Variants in NDUFA10 observed in about 807,000 individuals in gnomAD.
NDUFA10 encodes the protein NADH dehydrogenase [ubiquinone] 1 alpha subcomplex subunit 10, mitochondrial.
A neutral mutation model predicts 47.8 loss-of-function variants in NDUFA10; 40 were observed. The ratio of observed to expected loss-of-function variants is 0.84; its 90% CI spans 0.65 to 1.09. NDUFA10 has a LOEUF of 1.09. Among genes scored for constraint, NDUFA10 ranks in the 50% least tolerant of loss-of-function variants. The pLI is 0.00. For synonymous variants in NDUFA10, 183 were observed against 172.2 expected (o/e 1.06, Z -0.49); for missense variants, 413 against 451.1 (o/e 0.92, Z 0.76).
intron 1 of NDUFA10, among the ~76,000 whole-genome samples, chr2:240,024,285 T>G (rs1038995516): frequency 6.6e-5 from 10 of 152,208 alleles, no homozygotes; most frequent in Non-Finnish European, 1.2e-4. Context: ...ACTCAGTGAT[T>G]AAAAAGAAAT....
intron 8 of NDUFA10, among the ~76,000 whole-genome samples, chr2:240,000,448 A>G (rs1696656972): frequency 6.6e-6 from 1 of 152,264 alleles, no homozygotes; most frequent in Non-Finnish European, 1.5e-5. Flanking sequence ...AAATCAGAAA[A>G]TACTTCTAGA....
intron 4 of NDUFA10, among the ~76,000 whole-genome samples, chr2:239,938,734 G>A (rs969939448): frequency 1.3e-5 from 2 of 152,166 alleles, no homozygotes; most frequent in African/African-American, 4.8e-5. Context: ...AAACGGGGGC[G>A]GCTAGGAAAC....
chr2:239,901,761 T>C (rs1213747207), intron 4 of NDUFA10, among the ~76,000 whole-genome samples: 8 of 151,678 alleles, frequency 5.3e-5, no homozygotes, highest in South Asian at 2.1e-4. Context: ...AAGAACATTT[T>C]TGATTCATGG....
chr2:239,986,228 C>G (rs1261549671), intron 9 of NDUFA10, among the ~76,000 whole-genome samples: 1 of 152,184 alleles, frequency 6.6e-6, no homozygotes, highest in Non-Finnish European at 1.5e-5. Context: ...ACTCAATACC[C>G]AATGAAAATA....
chr2:239,941,970 C>T (rs1694367433), intron 4 of NDUFA10, among the ~76,000 whole-genome samples: 1 of 152,072 alleles, frequency 6.6e-6, no homozygotes, highest in Admixed American at 6.6e-5. Flanking sequence ...TTTTCTGCAC[C>T]AAAACAGTAT....
At chr2:240,025,096 G>T in intron 1 of NDUFA10, 131 bp downstream of exon 1, 2 of 899,984 alleles carry the variant, frequency 2.2e-6, no homozygotes, top group Non-Finnish European at 3.1e-6. Flanking sequence ...GGCAGGAGGG[G>T]TCCCCCAAAC....
intron 4 of NDUFA10, among the ~76,000 whole-genome samples, chr2:239,936,527 G>A (rs139558060): frequency 6.6e-6 from 1 of 152,324 alleles, no homozygotes; most frequent in African/African-American, 2.4e-5. Flanking sequence ...ATGACGACGG[G>A]TCAGTGCAGG....
chr2:240,000,500 A>C (rs528703730), intron 8 of NDUFA10, among the ~76,000 whole-genome samples: 11 of 152,354 alleles, frequency 7.2e-5, no homozygotes, highest in African/African-American at 2.6e-4. Flanking sequence ...TTTATAAAGA[A>C]AGTTATAGTA....
intron 7 of NDUFA10, among the ~76,000 whole-genome samples, chr2:240,006,276 T>C (rs1029842146): frequency 6.6e-6 from 1 of 152,150 alleles, no homozygotes; most frequent in East Asian, 1.9e-4. Flanking sequence ...GAGGAGAAAA[T>C]GAAATGTAAT....
intron 6 of NDUFA10, 43 bp downstream of exon 6, chr2:240,011,574 G>A (rs753436103): frequency 3.2e-5 from 48 of 1,509,886 alleles, no homozygotes; most frequent in South Asian, 9.0e-5. Context: ...AACGAGTGGC[G>A]AAGAAGTTTT....
At chr2:239,989,657 T>G (rs1325786509) in intron 9 of NDUFA10, among the ~76,000 whole-genome samples, 3 of 152,254 alleles carry the variant, frequency 2.0e-5, no homozygotes, top group Admixed American at 2.0e-4. Context: ...TCGCTGTCTG[T>G]CCCAAGCTCT....
At chr2:239,952,795 G>A (rs927688776), downstream of NDUFA10, among the ~76,000 whole-genome samples, 4 of 152,250 alleles carry the variant, frequency 2.6e-5, no homozygotes, top group Admixed American at 2.0e-4. Flanking sequence ...CGGCAGACGC[G>A]AGGCTCTGCT....
At chr2:239,948,287 C>T (rs78437465) in intron 4 of NDUFA10, among the ~76,000 whole-genome samples, 5,256 of 152,338 alleles carry the variant, frequency 0.035, 135 homozygotes, top group African/African-American at 0.065. Context: ...GGCCTCCAGG[C>T]TGCTCTTCTC....
chr2:240,011,946 T>C (rs1282757768), intron 5 of NDUFA10: 2 of 505,886 alleles, frequency 4.0e-6, no homozygotes, highest in Non-Finnish European at 3.6e-6. Flanking sequence ...TTCTAAGATG[T>C]ATACTTAGGG....
intron 9 of NDUFA10, among the ~76,000 whole-genome samples, chr2:239,965,007 T>C (rs1695002278): frequency 6.6e-6 from 1 of 152,126 alleles, no homozygotes; most frequent in Non-Finnish European, 1.5e-5. Flanking sequence ...TCATTTAATG[T>C]TTTACCCAAA....
At chr2:239,932,060 T>A (rs1694184004) in intron 4 of NDUFA10, among the ~76,000 whole-genome samples, 1 of 151,534 alleles carries the variant, frequency 6.6e-6, no homozygotes, top group African/African-American at 2.4e-5. Context: ...GGTCTCAATC[T>A]CCTGACCTCG....
Position 239,931,831 on chromosome 2 carries a change from CT to C in NDUFA10, c.295-36518del, listed in dbSNP as rs35581568. Among the ~76,000 whole-genome samples the C allele has an allele frequency of 2.6e-3, 234 of 90,166 alleles. 1 individual carries two copies. The highest frequency in any genetic ancestry group is 8.6e-3 in the African/African-American group (188 of 21,830). The allele number at this position is 90,166 out of a possible 152,430, so 59.2% of individuals were successfully genotyped here. ...GAGCCGCCCTTCATCTGCACCTCTG[CT>C]TTTTTTTTTTTTTTTTTTTTTGAGA... On this transcript the variant is annotated intron_variant, in intron 4 of 5. Coordinates refer to the NDUFA10 transcript ENST00000419408.
chr2:240,022,176 T>A lies in NDUFA10; in HGVS notation c.240A>T (p.Lys80Asn). The A allele has an allele frequency of 6.2e-7, 1 of 1,609,132 alleles. No homozygotes were observed. Among genetic ancestry groups the A allele is most frequent in the African/African-American group, 1.3e-5 (1 of 74,914 alleles). The change falls in exon 2 of 10, where the codon AAA becomes AAT. Residue 80 changes from lysine to asparagine, a missense_variant. Physicochemically the swap from Lys to Asn is moderately conservative, Grantham distance 94. Transcript: ENST00000252711. ...CTGTGTAACATAAAATCATACCTAG[T>A]TTCTCTGCTATTTCTTTTGCAAGTT... ...KGKLAKEIAE[K>N]LGFKHFPEAG...
Position 239,999,594 on chromosome 2 carries a change from G to T in NDUFA10, c.890+5616C>A, listed in dbSNP as rs565137606. On this transcript the variant is annotated intron_variant, in intron 8 of 9. Coordinates refer to ENST00000252711, the MANE Select transcript of NDUFA10 (RefSeq NM_004544.4). ...CCTCAACTGCCAGTTTCCCACTGTG[G>T]ATGGCCTGGGTGTCTCACCATCCTG... Among the ~76,000 whole-genome samples the T allele has an allele frequency of 2.0e-5, 3 of 152,226 alleles. No individual in the cohort carries two copies. In the South Asian group the frequency reaches 6.2e-4, roughly 31 times the overall value.
Sources: gnomAD v4.1 joint callset for allele counts (sites outside exome capture counted in the v4.1 genomes callset) on GRCh38, gnomAD v4.1.1 for gene constraint, MANE v1.5 for transcripts, NCBI Gene and HGNC (gene_info 2026-07-23, HGNC 2026-07-21) for gene names.